The following MTA3 variants were observed in gnomAD, a reference collection of about 807,000 sequenced individuals.
MTA3 encodes metastasis associated 1 family member 3, also known as metastasis-associated protein MTA3.
A neutral mutation model predicts 83.5 loss-of-function variants in MTA3; 34 were observed. The ratio of observed to expected loss-of-function variants is 0.41; its 90% CI spans 0.31 to 0.54. The LOEUF is 0.54. Among genes scored for constraint, MTA3 ranks in the 20% least tolerant of loss-of-function variants. The pLI, the probability that MTA3 is intolerant of heterozygous loss-of-function variation, is 0.33. For missense variants in MTA3, 761 were observed against 726.4 expected (o/e 1.05, Z -0.55); for synonymous variants, 303 against 252.7 (o/e 1.20, Z -1.89).
intron 3 of MTA3, among the ~76,000 whole-genome samples, chr2:42,607,641 G>C (rs534706208): frequency 6.6e-6 from 1 of 152,228 alleles, no homozygotes; most frequent in East Asian, 1.9e-4. Context: ...ATCACACCTG[G>C]CCTGTCTAAC....
intron 8 of MTA3, among the ~76,000 whole-genome samples, chr2:42,668,317 A>G (rs1690481400): frequency 6.6e-6 from 1 of 152,106 alleles, no homozygotes. Flanking sequence ...ATGTACCTTC[A>G]TTTTAGGTAA....
chr2:42,687,719 C>T (rs894699661), intron 9 of MTA3, among the ~76,000 whole-genome samples: 1 of 152,118 alleles, frequency 6.6e-6, no homozygotes, highest in Non-Finnish European at 1.5e-5. Context: ...TTAGGGTGGG[C>T]CATGAGAAAT....
intron 6 of MTA3, among the ~76,000 whole-genome samples, chr2:42,654,709 G>A (rs904719892): frequency 6.6e-6 from 1 of 152,038 alleles, no homozygotes; most frequent in Non-Finnish European, 1.5e-5. Context: ...CAACCTCCTG[G>A]GCTGAAGCAG....
At chr2:42,704,001 C>T in intron 11 of MTA3, 193 bp from the exon 12 acceptor site, 2 of 546,402 alleles carry the variant, frequency 3.7e-6, no homozygotes, top group African/African-American at 1.9e-5. Flanking sequence ...TTCCTTTTTT[C>T]ATAGACTCGT....
chr2:42,641,727 G>A (rs1490659289), intron 5 of MTA3, among the ~76,000 whole-genome samples: 3 of 152,014 alleles, frequency 2.0e-5, no homozygotes, highest in African/African-American at 4.8e-5. Context: ...TTAACCGGGC[G>A]TGGTGGCGCA....
Position 42,709,091 on chromosome 2 carries a change from C to G in MTA3, c.1520C>G (p.Ala507Gly), listed in dbSNP as rs755108527. The G allele has an allele frequency of 1.0e-5, 16 of 1,594,958 alleles. No individual in the cohort carries two copies. Among genetic ancestry groups the G allele is most frequent in the Non-Finnish European group, 1.4e-5 (16 of 1,170,268 alleles). The change falls in exon 14 of 17, where the codon GCA becomes GGA. Residue 507 changes from alanine to glycine, a missense_variant. Transcript: ENST00000405094. The part of the protein sequence containing the change: ...FVAINYAAIR[A>G]EYADRHAELS... Reference sequence around the variant, plus strand: ...GCTATTAATTATGCTGCCATTAGGGCAGAATGTAAGATGCTTTTAAATTCT... The same window carrying G: ...GCTATTAATTATGCTGCCATTAGGGGAGAATGTAAGATGCTTTTAAATTCT...
chr2:42,622,271 C>T (rs1382440946), intron 4 of MTA3, among the ~76,000 whole-genome samples: 2 of 152,108 alleles, frequency 1.3e-5, no homozygotes, highest in African/African-American at 2.4e-5. Context: ...TCAGGCTTGG[C>T]GGCGCGCGCC....
intron 2 of MTA3, among the ~76,000 whole-genome samples, chr2:42,502,029 A>G (rs1223191347): frequency 6.6e-6 from 1 of 152,002 alleles, no homozygotes; most frequent in Admixed American, 6.6e-5. Context: ...AAATTCCCTG[A>G]TGGCTTACAG....
chr2:42,520,772 C>T (rs1675390226), intron 2 of MTA3, among the ~76,000 whole-genome samples: 1 of 151,884 alleles, frequency 6.6e-6, no homozygotes, highest in African/African-American at 2.4e-5. Context: ...CCCTATGTTG[C>T]CCGGGCTGGT....
chr2:42,538,623 A>C (rs1676363548), intron 2 of MTA3, among the ~76,000 whole-genome samples: 1 of 149,846 alleles, frequency 6.7e-6, no homozygotes, highest in Non-Finnish European at 1.5e-5. Context: ...CAGGAGACTC[A>C]CTTGAACCTG....
At chr2:42,520,905 T>G (rs1675399541) in intron 2 of MTA3, among the ~76,000 whole-genome samples, 2 of 152,110 alleles carry the variant, frequency 1.3e-5, no homozygotes, top group Non-Finnish European at 2.9e-5. Flanking sequence ...CCAGTGGAGC[T>G]CCCTACTGCT....
In MTA3 at chr2:42,681,933, T is replaced by A. The variant is rs570533072; in HGVS notation, c.703-468T>A. Among the ~76,000 whole-genome samples the A allele has an allele frequency of 7.9e-4, 118 of 149,338 alleles. 1 individual carries two copies. The East Asian group carries it at 0.02, about 26-fold the overall frequency. Reference sequence around the variant, plus strand: ...AAAAAGGTAAATAAATAAAAAAAAATAAAAATAAAGGAGACCTAATCCTAG... The same window carrying A: ...AAAAAGGTAAATAAATAAAAAAAAAAAAAAATAAAGGAGACCTAATCCTAG... On this transcript the variant is annotated intron_variant, in intron 8 of 16. Transcript: ENST00000405094.
Position 42,642,730 on chromosome 2 carries a change from T to C in MTA3, c.382-1397T>C, listed in dbSNP as rs191539347. On this transcript the variant is annotated intron_variant, in intron 5 of 16. Coordinates refer to ENST00000405094, the MANE Select transcript of MTA3 (RefSeq NM_001330442.2). ...TGCAATCTTGGCTCACTGCAACCTC[T>C]GCCTCCTGTGTTCAAGTGATTCTCC... Among the ~76,000 whole-genome samples the C allele has an allele frequency of 3.7e-3, 564 of 150,928 alleles. 9 individuals are homozygous for C. The highest frequency in any genetic ancestry group is 0.012 in the African/African-American group (510 of 41,084).
chr2:42,503,647 T>C (rs1674497587), intron 2 of MTA3, among the ~76,000 whole-genome samples: 1 of 152,146 alleles, frequency 6.6e-6, no homozygotes, highest in African/African-American at 2.4e-5. Context: ...GCTCAAGAAT[T>C]TCCTTTTATT....
chr2:42,712,452 G>A (rs536618576), intron 14 of MTA3, among the ~76,000 whole-genome samples: 7 of 152,032 alleles, frequency 4.6e-5, no homozygotes, highest in East Asian at 1.9e-4. Context: ...CCACCACACC[G>A]GTTAATTTAT....
At chr2:42,630,785 C>T (rs979499673) in intron 4 of MTA3, among the ~76,000 whole-genome samples, 2 of 151,992 alleles carry the variant, frequency 1.3e-5, no homozygotes, top group Admixed American at 1.3e-4. Flanking sequence ...TTGAAAGTAT[C>T]TTAATTTTTA....
chr2:42,584,580 G>A (rs1558460213), intron 3 of MTA3, among the ~76,000 whole-genome samples: 1 of 149,422 alleles, frequency 6.7e-6, no homozygotes, highest in Non-Finnish European at 1.5e-5. Context: ...TAGCTCTGTT[G>A]CCCATAGTTG....
At chr2:42,569,021 G>T (rs933112604) in intron 1 of MTA3, among the ~76,000 whole-genome samples, 7 of 152,070 alleles carry the variant, frequency 4.6e-5, no homozygotes, top group African/African-American at 1.4e-4. Context: ...TTAGGGCCAG[G>T]CCTCTACTTG....
chr2:42,748,088 G>T (rs183252034), intron 16 of MTA3, among the ~76,000 whole-genome samples: 1 of 152,098 alleles, frequency 6.6e-6, no homozygotes, highest in Non-Finnish European at 1.5e-5. Context: ...GAGTGCAGTG[G>T]CGCGATCTCA....
Sources: allele counts gnomAD v4.1 joint callset (sites outside exome capture counted in the v4.1 genomes callset), GRCh38; gene constraint gnomAD v4.1.1; transcripts MANE v1.5; gene names NCBI Gene and HGNC (gene_info 2026-07-23, HGNC 2026-07-21).